Variants in LOC400499 observed in about 807,000 individuals in gnomAD.
At chr16:11,503,719 C>G in the LOC400499 span, among the ~76,000 whole-genome samples, 1 of 152,258 alleles carries the variant, frequency 6.6e-6, no homozygotes, top group South Asian at 2.1e-4. Flanking sequence ...CACCAGAGTC[C>G]CGGCAGCCTT....
the LOC400499 span, among the ~76,000 whole-genome samples, chr16:11,492,306 C>A: frequency 1.1e-5 from 1 of 91,442 alleles, no homozygotes; most frequent in African/African-American, 4.6e-5. Context: ...ACCCATCCAC[C>A]CACCCATCAT....
the LOC400499 span, chr16:11,487,478 G>A: frequency 2.5e-6 from 1 of 397,636 alleles, no homozygotes; most frequent in Non-Finnish European, 4.4e-6. Context: ...GACAGGGCCA[G>A]ATACATGGTG....
chr16:11,447,966 T>C, the LOC400499 span: 3 of 1,535,922 alleles, frequency 2.0e-6, no homozygotes, highest in Non-Finnish European at 1.7e-6. Flanking sequence ...TCCGGTACAA[T>C]GTCCTGTCTT....
chr16:11,396,115 A>G, the LOC400499 span, among the ~76,000 whole-genome samples: 1 of 152,230 alleles, frequency 6.6e-6, no homozygotes, highest in African/African-American at 2.4e-5. Flanking sequence ...GCCTACGACT[A>G]TATTTAACCC....
the LOC400499 span, chr16:11,431,334 G>A: frequency 2.5e-5 from 10 of 398,238 alleles, no homozygotes; most frequent in Admixed American, 2.6e-4. Flanking sequence ...CTGGGACAAG[G>A]ACATAACCTC....
At chr16:11,411,335 G>A in the LOC400499 span, 10 of 399,230 alleles carry the variant, frequency 2.5e-5, no homozygotes, top group East Asian at 3.6e-4. Flanking sequence ...TTGCTAGAAG[G>A]AAGGAAAGAG....
At chr16:11,384,190 C>CAGGACAG in the LOC400499 span, 5 of 1,223,326 alleles carry the variant, frequency 4.1e-6, no homozygotes, top group Middle Eastern at 3.1e-4. Flanking sequence ...CAGCTGGAAG[C>CAGGACAG]AGGACAGGCA....
chr16:11,494,715 T>G, the LOC400499 span: 2 of 398,882 alleles, frequency 5.0e-6, no homozygotes, highest in African/African-American at 4.1e-5. Flanking sequence ...AGGGCTGAGA[T>G]GCCCAGGAAG....
chr16:11,372,306 C>T, the LOC400499 span: 5 of 152,254 alleles, frequency 3.3e-5, no homozygotes, highest in African/African-American at 1.2e-4. Context: ...AAGCCAGTAC[C>T]AAGCAGCTGA....
the LOC400499 span, chr16:11,385,473 A>T: frequency 8.6e-7 from 1 of 1,163,250 alleles, no homozygotes; most frequent in East Asian, 3.2e-5. Flanking sequence ...CCACCGCAGT[A>T]GGAGCCCAAT....
the LOC400499 span, among the ~76,000 whole-genome samples, chr16:11,463,268 CTGATGG>C: frequency 3.4e-5 from 5 of 146,060 alleles, no homozygotes; most frequent in African/African-American, 5.1e-5. Context: ...CCACGCCCCC[CTGATGG>C]CCACCAGCTG....
chr16:11,385,110 G>A, the LOC400499 span: 7 of 1,231,854 alleles, frequency 5.7e-6, no homozygotes, highest in Non-Finnish European at 6.1e-6. Context: ...CCCACAGCCA[G>A]GTGACAAGCT....
the LOC400499 span, among the ~76,000 whole-genome samples, chr16:11,373,124 G>A: frequency 5.3e-5 from 8 of 152,328 alleles, no homozygotes; most frequent in Admixed American, 3.9e-4. Flanking sequence ...AGCTCAGGAT[G>A]CATCCAACCC....
the LOC400499 span, among the ~76,000 whole-genome samples, chr16:11,463,115 G>A: frequency 6.6e-6 from 1 of 152,300 alleles, no homozygotes; most frequent in East Asian, 1.9e-4. Flanking sequence ...TGCAGACCTG[G>A]CCATGGGAAG....
At chr16:11,456,802 G>A in the LOC400499 span, 1 of 1,521,086 alleles carries the variant, frequency 6.6e-7, no homozygotes, top group Non-Finnish European at 8.8e-7. Context: ...TTGAGCAAAG[G>A]CCTGGAGATC....
At chr16:11,478,076 G>T in the LOC400499 span, 1 of 396,036 alleles carries the variant, frequency 2.5e-6, no homozygotes, top group Non-Finnish European at 4.5e-6. Flanking sequence ...ACTTTGGGAG[G>T]CCGAGACGGG....
chr16:11,413,011 G>A, the LOC400499 span: 1 of 399,008 alleles, frequency 2.5e-6, no homozygotes, highest in Non-Finnish European at 4.4e-6. Flanking sequence ...GAGCCTCACA[G>A]GCTGGGTGGG....
chr16:11,463,809 G>C, the LOC400499 span, among the ~76,000 whole-genome samples: 1 of 152,034 alleles, frequency 6.6e-6, no homozygotes, highest in Non-Finnish European at 1.5e-5. Flanking sequence ...TTGTGTGTAT[G>C]AATATGTGTG....
the LOC400499 span, among the ~76,000 whole-genome samples, chr16:11,421,087 G>A: frequency 6.6e-6 from 1 of 152,294 alleles, no homozygotes; most frequent in African/African-American, 2.4e-5. Context: ...TGGTGTCACC[G>A]CTGACCTTGA....
Sources: gnomAD v4.1 joint callset for allele counts (sites outside exome capture counted in the v4.1 genomes callset) on GRCh38, gnomAD v4.1.1 for gene constraint, MANE v1.5 for transcripts.